Variants in CDH18 observed in about 807,000 individuals in gnomAD.
CDH18 encodes the protein cadherin 18, also known as cadherin-18.
CDH18 carries 31 observed loss-of-function variants against 67.9 expected under a neutral mutation model. The ratio of observed to expected loss-of-function variants is 0.46; its 90% CI spans 0.34 to 0.62. The LOEUF is 0.62. CDH18 is among the 20% of genes least tolerant of loss of function. The probability of loss-of-function intolerance (pLI) is 0.01; values close to 1 mark genes in which losing one functional copy is unlikely to be tolerated. For missense variants in CDH18, 890 were observed against 975.5 expected, an observed-to-expected ratio of 0.91 and a Z score of 1.17; for synonymous variants, 362 against 347.2, an observed-to-expected ratio of 1.04 and a Z score of -0.48.
intron 2 of CDH18, among the ~76,000 whole-genome samples, chr5:20,025,267 T>G (rs1467378323): frequency 6.6e-6 from 1 of 152,204 alleles, no homozygotes; most frequent in Non-Finnish European, 1.5e-5. Context: ...GTGTTCCCAC[T>G]TGGTTATGAC....
chr5:20,326,624 C>T (rs1348221112), intron 1 of CDH18, among the ~76,000 whole-genome samples: 1 of 151,316 alleles, frequency 6.6e-6, no homozygotes, highest in African/African-American at 2.4e-5. Flanking sequence ...CTGCAAGCTC[C>T]GCCTCCCGGG....
At chr5:20,122,306 T>C (rs1312755185) in intron 2 of CDH18, among the ~76,000 whole-genome samples, 1 of 152,218 alleles carries the variant, frequency 6.6e-6, no homozygotes, top group East Asian at 1.9e-4. Flanking sequence ...TTCTTTACTT[T>C]GCCCTGCTGT....
At chr5:19,746,902 A>G (rs1230071721) in intron 4 of CDH18, 40 bp downstream of exon 4, 13 of 1,544,540 alleles carry the variant, frequency 8.4e-6, no homozygotes, top group Non-Finnish European at 1.2e-5. Flanking sequence ...TGATTTTCTT[A>G]ATATGTTAAT....
chr5:19,494,045 C>T (rs1450109380), intron 11 of CDH18, among the ~76,000 whole-genome samples: 1 of 152,054 alleles, frequency 6.6e-6, no homozygotes, highest in Non-Finnish European at 1.5e-5. Flanking sequence ...ACTGGCTGTT[C>T]ACTTCTAATT....
intron 1 of CDH18, among the ~76,000 whole-genome samples, chr5:20,503,240 CT>C (rs11348870): frequency 0.48 from 70,498 of 146,230 alleles, 16,842 homozygotes; most frequent in East Asian, 0.57. Flanking sequence ...CTTTTTATTT[CT>C]TTTTTTTTTT....
intron 2 of CDH18, among the ~76,000 whole-genome samples, chr5:19,888,956 A>T (rs994891851): frequency 3.9e-5 from 6 of 152,130 alleles, no homozygotes; most frequent in African/African-American, 1.4e-4. Context: ...TCCAGGACCC[A>T]CCAGGGGTAC....
intron 11 of CDH18, among the ~76,000 whole-genome samples, chr5:19,485,786 C>T (rs1187855665): frequency 6.6e-6 from 1 of 152,166 alleles, no homozygotes; most frequent in Non-Finnish European, 1.5e-5. Flanking sequence ...AATCTTACAG[C>T]TGCTCCTCTG....
intron 3 of CDH18, among the ~76,000 whole-genome samples, chr5:19,801,113 GAAC>G (rs763608099): frequency 3.4e-4 from 51 of 152,140 alleles, no homozygotes; most frequent in Non-Finnish European, 6.0e-4. Context: ...CTCCGTCTCA[GAAC>G]AACAACAATG....
At chr5:20,121,555 A>T (rs1457280083) in intron 2 of CDH18, among the ~76,000 whole-genome samples, 1 of 152,194 alleles carries the variant, frequency 6.6e-6, no homozygotes, top group Non-Finnish European at 1.5e-5. Flanking sequence ...GGGCAGCAAA[A>T]CAGGTGCAAG....
chr5:20,225,287 A>G (rs577311449), intron 2 of CDH18, among the ~76,000 whole-genome samples: 1 of 152,248 alleles, frequency 6.6e-6, no homozygotes, highest in South Asian at 2.1e-4. Flanking sequence ...AAGGAGAACA[A>G]TATTGACTTT....
At chr5:19,666,902 G>C (rs1758033024) in intron 5 of CDH18, among the ~76,000 whole-genome samples, 1 of 151,968 alleles carries the variant, frequency 6.6e-6, no homozygotes, top group Admixed American at 6.6e-5. Context: ...GGATAATGGA[G>C]AAAAGATATA....
chr5:19,617,042 C>T (rs1749949187), intron 5 of CDH18, among the ~76,000 whole-genome samples: 1 of 152,156 alleles, frequency 6.6e-6, no homozygotes, highest in South Asian at 2.1e-4. Context: ...AGGAATTCAA[C>T]TTATGAACTC....
chr5:20,377,884 A>G (rs1562015639), intron 1 of CDH18, among the ~76,000 whole-genome samples: 2 of 152,234 alleles, frequency 1.3e-5, no homozygotes, highest in Admixed American at 6.5e-5. Flanking sequence ...AACATTCCCA[A>G]AAGTTACCAC....
intron 1 of CDH18, among the ~76,000 whole-genome samples, chr5:20,336,704 CAGAG>C (rs1355150706): frequency 9.2e-6 from 1 of 108,924 alleles, no homozygotes; most frequent in Non-Finnish European, 1.7e-5. Flanking sequence ...GCCTGGGCAA[CAGAG>C]AGGGAGCCTC....
At chr5:19,497,683 G>T (rs774139126) in intron 11 of CDH18, among the ~76,000 whole-genome samples, 1 of 152,136 alleles carries the variant, frequency 6.6e-6, no homozygotes, top group Non-Finnish European at 1.5e-5. Context: ...ATAGATGGGC[G>T]AAGATCTTCT....
At chr5:20,418,578 G>A (rs1747547025) in intron 1 of CDH18, among the ~76,000 whole-genome samples, 1 of 152,018 alleles carries the variant, frequency 6.6e-6, no homozygotes, top group African/African-American at 2.4e-5. Flanking sequence ...AAACATATAG[G>A]TGGGTTTTTC....
intron 1 of CDH18, among the ~76,000 whole-genome samples, chr5:20,461,962 T>A (rs1410797224): frequency 2.0e-5 from 3 of 152,130 alleles, no homozygotes; most frequent in African/African-American, 4.8e-5. Flanking sequence ...AGTATAAAGA[T>A]TTCTGAAAAC....
intron 3 of CDH18, among the ~76,000 whole-genome samples, chr5:19,814,319 T>C (rs903905113): frequency 6.6e-6 from 1 of 152,042 alleles, no homozygotes; most frequent in African/African-American, 2.4e-5. Context: ...GATAATACTA[T>C]TGGTTTTGGT....
chr5:20,398,888 C>T, intron 1 of CDH18, among the ~76,000 whole-genome samples: 1 of 150,504 alleles, frequency 6.6e-6, no homozygotes, highest in East Asian at 2.0e-4. Context: ...TAGAAAACCA[C>T]CACGGCACAC....
Sources: allele counts gnomAD v4.1 joint callset (sites outside exome capture counted in the v4.1 genomes callset), GRCh38; gene constraint gnomAD v4.1.1; transcripts MANE v1.5; gene names NCBI Gene and HGNC (gene_info 2026-07-23, HGNC 2026-07-21).